Variants in ROS1 observed in about 807,000 individuals in gnomAD.
ROS1 encodes the protein proto-oncogene tyrosine-protein kinase ROS.
ROS1 carries 263 observed loss-of-function variants against 273.5 expected under a neutral mutation model. The observed-to-expected ratio is 0.96, with a 90% CI of 0.87 to 1.06. The LOEUF is 1.06. ROS1 is among the 50% of genes least tolerant of loss of function. ROS1 has a pLI of 0.00. For synonymous variants in ROS1, 1,008 were observed against 954.1 expected (o/e 1.06, Z -1.04); for missense variants, 2,833 against 2,751.1 (o/e 1.03, Z -0.67).
At chr6:117,405,166 A>G (rs530086716) in intron 5 of ROS1, among the ~76,000 whole-genome samples, 75 of 152,324 alleles carry the variant, frequency 4.9e-4, no homozygotes, top group Non-Finnish European at 9.7e-4. Flanking sequence ...TTGAGAAAGC[A>G]TGGTAAATTT....
chr6:117,339,616 T>C (rs1403072202), intron 31 of ROS1, among the ~76,000 whole-genome samples: 2 of 152,172 alleles, frequency 1.3e-5, no homozygotes, highest in South Asian at 2.1e-4. Flanking sequence ...ACTTTTACTG[T>C]ACTCATAGTT....
intron 39 of ROS1, among the ~76,000 whole-genome samples, chr6:117,312,990 G>C (rs76074667): frequency 0.011 from 1,656 of 152,144 alleles, 27 homozygotes; most frequent in African/African-American, 0.037. Flanking sequence ...CTGGGCTTCT[G>C]CAGTATATTC....
At chr6:117,358,289 G>A (rs1779497768) in intron 24 of ROS1, among the ~76,000 whole-genome samples, 1 of 151,746 alleles carries the variant, frequency 6.6e-6, no homozygotes, top group South Asian at 2.1e-4. Flanking sequence ...ATATCAAACT[G>A]CCTACTGAAC....
At chr6:117,313,020 T>C (rs887458849) in intron 39 of ROS1, among the ~76,000 whole-genome samples, 1 of 152,036 alleles carries the variant, frequency 6.6e-6, no homozygotes, top group East Asian at 1.9e-4. Flanking sequence ...CTCTAATGAG[T>C]CCACCTACTT....
intron 1 of ROS1, among the ~76,000 whole-genome samples, chr6:117,421,368 T>C (rs1775742733): frequency 6.6e-6 from 1 of 151,912 alleles, no homozygotes; most frequent in Admixed American, 6.6e-5. Context: ...CCAAGTAGTA[T>C]ACATTGTACC....
At position 117,288,306 on chromosome 6, in the gene ROS1, G is replaced by C; in HGVS notation, c.*186C>G. On this transcript the variant is annotated 3_prime_UTR_variant, in exon 44 of 44. Transcript: ENST00000368507. ...TCATAATTCTACTGAAAGTCAGGCA[G>C]CTGGTATGGGGATTGCTACAACTGA... 1 of 593,916 alleles carries C rather than the reference G, an allele frequency of 1.7e-6. No homozygotes were observed. The highest frequency in any genetic ancestry group is 3.2e-5 in the Admixed American group (1 of 31,110). The allele number at this position is 593,916 out of a possible 1,614,324, so 36.8% of individuals were successfully genotyped here.
At chr6:117,323,278 T>TA (rs1446714703) in intron 35 of ROS1, among the ~76,000 whole-genome samples, 1 of 152,166 alleles carries the variant, frequency 6.6e-6, no homozygotes, top group Admixed American at 6.6e-5. Flanking sequence ...AGTGCTCTCA[T>TA]AAAGATTGTG....
intron 12 of ROS1, among the ~76,000 whole-genome samples, chr6:117,390,444 A>G (rs1772977670): frequency 6.6e-6 from 1 of 152,176 alleles, no homozygotes; most frequent in Middle Eastern, 3.2e-3. Context: ...GTCTTTCAAA[A>G]TTTTAAAGGA....
chr6:117,394,758 T>C lies in ROS1; in HGVS notation c.884-20A>G. 1 of 1,600,560 alleles carries C rather than the reference T, an allele frequency of 6.2e-7. No homozygotes were observed. Among genetic ancestry groups the C allele is most frequent in the Non-Finnish European group, 8.5e-7 (1 of 1,173,524 alleles). ...GTTGAACTGAAAAAAACAACACAAT[T>C]TGCAGACAGGTAGACCAACCACAGG... On this transcript the variant is annotated intron_variant, in intron 9 of 43. Transcript: ENST00000368507.
At chr6:117,416,399 C>G in intron 2 of ROS1, 82 bp from the exon 3 acceptor site, 2 of 863,402 alleles carry the variant, frequency 2.3e-6, no homozygotes, top group Non-Finnish European at 4.0e-6. Context: ...AATGTAGTAA[C>G]AAAAGGCATC....
In ROS1 at chr6:117,297,731, G is replaced by A. The variant is rs144904180; in HGVS notation, c.6715+3243C>T. On this transcript the variant is annotated intron_variant, in intron 43 of 43. Coordinates refer to ENST00000368507, the MANE Select transcript of ROS1 (RefSeq NM_001378902.1). ...AAAGTCAAAAATAATAGATGTTGGC[G>A]AGGATGCAGACAAAGAGGAACAGTT... Among the ~76,000 whole-genome samples, 206 of 152,232 alleles carry A rather than the reference G, an allele frequency of 1.4e-3. 1 individual carries two copies. The highest frequency in any genetic ancestry group is 4.7e-3 in the African/African-American group (194 of 41,570).
intron 12 of ROS1, among the ~76,000 whole-genome samples, chr6:117,392,126 C>T (rs1192884255): frequency 6.6e-6 from 1 of 152,178 alleles, no homozygotes; most frequent in Non-Finnish European, 1.5e-5. Flanking sequence ...TTTCATAGGA[C>T]CGTAGACCTT....
chr6:117,379,540 C>A (rs142051633), intron 17 of ROS1, among the ~76,000 whole-genome samples: 42 of 152,180 alleles, frequency 2.8e-4, no homozygotes, highest in African/African-American at 1.0e-3. Flanking sequence ...GTCAAGCTTG[C>A]CTAAAGGTAG....
chr6:117,360,012 C>T lies in ROS1; in HGVS notation c.3431-1G>A, dbSNP rs1478182790. ...ATGAGGTGAGGAAATGGGTTGATTT[C>T]TGAAAGCAAAAAAACATGTAGATAA... On this transcript the variant is annotated splice_acceptor_variant, in intron 23 of 43. Transcript: ENST00000368507. LOFTEE classifies it high-confidence loss of function. 6.2e-7 allele frequency: 1 copy of T among 1,610,208 alleles called. No individual in the cohort carries two copies. Among genetic ancestry groups the T allele is most frequent in the African/African-American group, 1.3e-5 (1 of 74,604 alleles).
At position 117,317,056 on chromosome 6, in the gene ROS1, T is replaced by A. The variant is rs1775970632; in HGVS notation, c.6117+87A>T. 1.4e-5 allele frequency: 19 copies of A among 1,377,162 alleles called. No homozygotes were observed. The South Asian group carries it at 2.3e-4, about 17-fold the overall frequency. The allele number at this position is 1,377,162 out of a possible 1,614,324, so 85.3% of individuals were successfully genotyped here. On this transcript the variant is annotated intron_variant, in intron 39 of 43. Coordinates refer to ENST00000368507, the MANE Select transcript of ROS1 (RefSeq NM_001378902.1). Reference sequence around the variant, plus strand: ...TGTAAGTCTTCTAAGGTTTTACCACTGCAGCCTATTAAATTTAAAGAAAAT... The same window carrying A: ...TGTAAGTCTTCTAAGGTTTTACCACAGCAGCCTATTAAATTTAAAGAAAAT...
chr6:117,334,150 C>T (rs780440985), intron 32 of ROS1, among the ~76,000 whole-genome samples: 1 of 152,162 alleles, frequency 6.6e-6, no homozygotes, highest in Non-Finnish European at 1.5e-5. Flanking sequence ...AGCAAAGTCT[C>T]AAGATAAAAA....
intron 39 of ROS1, among the ~76,000 whole-genome samples, chr6:117,313,549 G>A (rs1228524828): frequency 3.3e-5 from 5 of 151,682 alleles, no homozygotes; most frequent in Admixed American, 3.3e-4. Context: ...CTTCAACCTG[G>A]GCCACAGAGA....
chr6:117,403,337 A>C, intron 6 of ROS1, 60 bp from the exon 7 acceptor site: 1 of 1,495,604 alleles, frequency 6.7e-7, no homozygotes, highest in Non-Finnish European at 9.1e-7. Flanking sequence ...ATTGGGACTA[A>C]AAAGCATAGA....
At chr6:117,337,110 T>A in intron 32 of ROS1, 62 bp downstream of exon 32, 2 of 1,270,824 alleles carry the variant, frequency 1.6e-6, no homozygotes, top group East Asian at 4.7e-5. Flanking sequence ...ATTAGTGAAA[T>A]AAGTGATAAG....
Sources: allele counts gnomAD v4.1 joint callset (sites outside exome capture counted in the v4.1 genomes callset), GRCh38; gene constraint gnomAD v4.1.1; transcripts MANE v1.5; gene names NCBI Gene and HGNC (gene_info 2026-07-23, HGNC 2026-07-21).